NXPH1: variants seen among roughly 807,000 people sequenced by gnomAD.
NXPH1 encodes the protein neurexophilin 1.
A neutral mutation model predicts 23.7 loss-of-function variants in NXPH1; 5 were observed. The ratio of observed to expected loss-of-function variants is 0.21; its 90% CI spans 0.11 to 0.44. The LOEUF is 0.44. Ranked by LOEUF, NXPH1 falls within the 20% of genes least tolerant of loss-of-function variation. NXPH1 has a pLI of 0.99. For missense variants in NXPH1, 324 were observed against 321.6 expected (o/e 1.01, Z -0.06); for synonymous variants, 144 against 122.2 (o/e 1.18, Z -1.18).
chr7:8,563,637 G>T (rs1486827760), intron 2 of NXPH1, among the ~76,000 whole-genome samples: 1 of 151,750 alleles, frequency 6.6e-6, no homozygotes, highest in Non-Finnish European at 1.5e-5. Context: ...GATTTTAGGA[G>T]AAGTCAAATT....
chr7:8,732,502 A>G (rs1024971240), intron 2 of NXPH1, among the ~76,000 whole-genome samples: 5 of 152,196 alleles, frequency 3.3e-5, no homozygotes, highest in Non-Finnish European at 7.4e-5. Context: ...GAAAGAAGCA[A>G]TTCCTACATA....
intron 2 of NXPH1, among the ~76,000 whole-genome samples, chr7:8,586,230 C>G (rs1168111308): frequency 6.6e-6 from 1 of 152,028 alleles, no homozygotes; most frequent in Non-Finnish European, 1.5e-5. Context: ...CCAAAACACG[C>G]TGTTTGGGAT....
At chr7:8,485,801 C>A (rs1387474920) in intron 2 of NXPH1, among the ~76,000 whole-genome samples, 2 of 152,136 alleles carry the variant, frequency 1.3e-5, no homozygotes, top group African/African-American at 4.8e-5. Flanking sequence ...CTGAAGAGAA[C>A]ATTTTGGATT....
intron 2 of NXPH1, among the ~76,000 whole-genome samples, chr7:8,505,131 A>G (rs1321013526): frequency 6.6e-6 from 1 of 152,030 alleles, no homozygotes; most frequent in Non-Finnish European, 1.5e-5. Flanking sequence ...CTGATTTTAC[A>G]GTGCACTGAA....
chr7:8,438,603 T>C (rs1176604565), intron 2 of NXPH1, among the ~76,000 whole-genome samples: 1 of 152,210 alleles, frequency 6.6e-6, no homozygotes, highest in African/African-American at 2.4e-5. Flanking sequence ...ATCACCACAT[T>C]AAGTCCATGA....
chr7:8,644,283 T>C (rs566566481), intron 2 of NXPH1, among the ~76,000 whole-genome samples: 24 of 152,226 alleles, frequency 1.6e-4, no homozygotes, highest in Non-Finnish European at 2.4e-4. Context: ...GACACAGCAG[T>C]TGCTGTTTGA....
chr7:8,623,650 ATAAT>A (rs1337408845), intron 2 of NXPH1, among the ~76,000 whole-genome samples: 2 of 78,200 alleles, frequency 2.6e-5, no homozygotes, highest in South Asian at 5.7e-4. Context: ...AGTTTTGATA[ATAAT>A]TTTGTGGTAT....
intron 2 of NXPH1, among the ~76,000 whole-genome samples, chr7:8,738,469 ATT>A (rs1780300982): frequency 6.6e-6 from 1 of 152,168 alleles, no homozygotes; most frequent in African/African-American, 2.4e-5. Context: ...AACAGCAAAG[ATT>A]GCTGCCTGTT....
At chr7:8,684,343 G>C (rs1381826663) in intron 2 of NXPH1, among the ~76,000 whole-genome samples, 4 of 152,128 alleles carry the variant, frequency 2.6e-5, no homozygotes, top group African/African-American at 9.7e-5. Flanking sequence ...TCCTGGCCTT[G>C]AAACTTGGCC....
intron 2 of NXPH1, among the ~76,000 whole-genome samples, chr7:8,732,215 G>A (rs1043276131): frequency 4.5e-4 from 69 of 152,324 alleles, no homozygotes; most frequent in African/African-American, 1.5e-3. Context: ...CATGGTGCGC[G>A]CACCCACTGA....
chr7:8,718,987 T>G (rs1398596111), intron 2 of NXPH1, among the ~76,000 whole-genome samples: 2 of 152,198 alleles, frequency 1.3e-5, no homozygotes, highest in Non-Finnish European at 2.9e-5. Flanking sequence ...ATGCAGTAAA[T>G]TGTCCAACAG....
At chr7:8,474,033 G>C (rs1171456869) in intron 2 of NXPH1, among the ~76,000 whole-genome samples, 1 of 152,138 alleles carries the variant, frequency 6.6e-6, no homozygotes, top group African/African-American at 2.4e-5. Flanking sequence ...AGAGCCTGCT[G>C]TGACTACTCT....
At chr7:8,680,559 C>T (rs2115176152) in intron 2 of NXPH1, among the ~76,000 whole-genome samples, 1 of 152,190 alleles carries the variant, frequency 6.6e-6, no homozygotes, top group South Asian at 2.1e-4. Flanking sequence ...GACAAAAAAG[C>T]ATTTTAAAAT....
chr7:8,727,686 C>T lies in NXPH1; in HGVS notation c.55-23322C>T, dbSNP rs902255364. Among the ~76,000 whole-genome samples the T allele has an allele frequency of 4.3e-4, 66 of 152,174 alleles. 1 individual carries two copies. Among genetic ancestry groups the T allele is most frequent in the African/African-American group, 1.5e-3 (63 of 41,524 alleles). On this transcript the variant is annotated intron_variant, in intron 2 of 2. Transcript: ENST00000405863. ...TATTTCTGAGGGCTCTGTTCTGTTC[C>T]GTTGATCTATATCTCTGTTTTGGTA...
chr7:8,667,802 G>A (rs1820797114), intron 2 of NXPH1, among the ~76,000 whole-genome samples: 1 of 151,786 alleles, frequency 6.6e-6, no homozygotes, highest in Admixed American at 6.6e-5. Context: ...TCTTCTTCTT[G>A]AACTCCTAAA....
intron 2 of NXPH1, among the ~76,000 whole-genome samples, chr7:8,728,892 T>C (rs1357542535): frequency 6.6e-6 from 1 of 151,578 alleles, no homozygotes; most frequent in African/African-American, 2.4e-5. Flanking sequence ...TTCTATTGAT[T>C]GGAATAGTTT....
rs73048875 is a variant in NXPH1 at position 8,516,663 on chromosome 7, C to A, written c.54+80896C>A. Reference sequence around the variant, plus strand: ...AATTGCTTCATCTAAGTTATTCTTGCCTTTATTATATACTTTCAGTTATTA... The same window carrying A: ...AATTGCTTCATCTAAGTTATTCTTGACTTTATTATATACTTTCAGTTATTA... On this transcript the variant is annotated intron_variant, in intron 2 of 2. Transcript: ENST00000405863. Among the ~76,000 whole-genome samples the A allele has an allele frequency of 3.4e-3, 521 of 152,128 alleles. 4 individuals carry two copies. The highest frequency in any genetic ancestry group is 5.9e-3 in the Non-Finnish European group (401 of 67,990).
At chr7:8,654,544 A>G (rs1368261875) in intron 2 of NXPH1, among the ~76,000 whole-genome samples, 2 of 152,204 alleles carry the variant, frequency 1.3e-5, no homozygotes, top group African/African-American at 2.4e-5. Context: ...CTGTGAAAAC[A>G]TAGCCCATCC....
At chr7:8,704,722 A>T (rs964221728) in intron 2 of NXPH1, among the ~76,000 whole-genome samples, 6 of 151,860 alleles carry the variant, frequency 4.0e-5, no homozygotes, top group Non-Finnish European at 8.8e-5. Flanking sequence ...AAATATATAA[A>T]CACTTTTCTA....
Sources: gnomAD v4.1 joint callset for allele counts (sites outside exome capture counted in the v4.1 genomes callset) on GRCh38, gnomAD v4.1.1 for gene constraint, MANE v1.5 for transcripts, NCBI Gene and HGNC (gene_info 2026-07-23, HGNC 2026-07-21) for gene names.